Variants in ZNF595 observed in about 807,000 individuals in gnomAD.
ZNF595 encodes zinc finger protein 595.
A neutral mutation model predicts 19.4 loss-of-function variants in ZNF595; 9 were observed. The observed-to-expected ratio is 0.46, with a 90% CI of 0.28 to 0.81. The LOEUF is 0.81. Among genes scored for constraint, ZNF595 ranks in the 30% least tolerant of loss-of-function variants. The pLI, the probability that ZNF595 is intolerant of heterozygous loss-of-function variation, is 0.11. For missense variants in ZNF595, 729 were observed against 736.0 expected (o/e 0.99, Z 0.11); for synonymous variants, 255 against 255.9 (o/e 1.00, Z 0.03).
chr4:82,466 C>T (rs1338449284), intron 3 of ZNF595, among the ~76,000 whole-genome samples: 1 of 148,662 alleles, frequency 6.7e-6, no homozygotes, highest in Non-Finnish European at 1.5e-5. Flanking sequence ...TCACCACAAC[C>T]CTCTGCCTCC....
At position 85,431 on chromosome 4, in the gene ZNF595, A is replaced by G. The variant is rs145668841; in HGVS notation, c.227-300A>G. Among the ~76,000 whole-genome samples, 637 of 152,322 alleles carry G rather than the reference A, an allele frequency of 4.2e-3. 1 individual carries two copies. Among genetic ancestry groups the G allele is most frequent in the South Asian group, 7.7e-3 (37 of 4,824 alleles). On this transcript the variant is annotated intron_variant, in intron 3 of 3. Coordinates refer to ENST00000610261, the MANE Select transcript of ZNF595 (RefSeq NM_182524.4). ...AGTTTACTCCTATAGGCACAATGCT[A>G]TATTGGGGAGGAGGAAAGCTGTGGT...
chr4:66,740 C>A (rs1305158694), intron 3 of ZNF595, among the ~76,000 whole-genome samples: 1 of 152,210 alleles, frequency 6.6e-6, no homozygotes, highest in Non-Finnish European at 1.5e-5. Context: ...TGTTGAAGAT[C>A]ATTTGAACAT....
intron 3 of ZNF595, among the ~76,000 whole-genome samples, chr4:84,964 T>C (rs1714072342): frequency 6.6e-6 from 1 of 152,226 alleles, no homozygotes; most frequent in South Asian, 2.1e-4. Context: ...TAATATTTTG[T>C]ATATATTGTA....
chr4:79,759 GT>G (rs1205880757), intron 3 of ZNF595, among the ~76,000 whole-genome samples: 16 of 138,396 alleles, frequency 1.2e-4, no homozygotes, highest in Non-Finnish European at 1.1e-4. Context: ...TTTTAAGCTA[GT>G]TTTTTTTTTC....
chr4:79,170 A>G (rs1038485679), intron 3 of ZNF595, among the ~76,000 whole-genome samples: 2 of 152,114 alleles, frequency 1.3e-5, no homozygotes, highest in Admixed American at 6.5e-5. Flanking sequence ...CTATAATTTT[A>G]TAATTCTTCT....
At chr4:71,402 T>C (rs1241666143) in intron 3 of ZNF595, among the ~76,000 whole-genome samples, 1 of 152,226 alleles carries the variant, frequency 6.6e-6, no homozygotes, top group African/African-American at 2.4e-5. Flanking sequence ...TTTGTGCCTC[T>C]TCTTTTGTCT....
At chr4:84,404 T>TA (rs1714048502) in intron 3 of ZNF595, among the ~76,000 whole-genome samples, 1 of 152,208 alleles carries the variant, frequency 6.6e-6, no homozygotes, top group Non-Finnish European at 1.5e-5. Context: ...GTTGTGCTAA[T>TA]ACACTTTTTC....
intron 3 of ZNF595, among the ~76,000 whole-genome samples, chr4:73,309 G>A (rs1420146333): frequency 6.6e-6 from 1 of 152,146 alleles, no homozygotes; most frequent in Non-Finnish European, 1.5e-5. Flanking sequence ...ATTGGAGAAT[G>A]TTTCACCCTG....
chr4:85,909 G>A lies in ZNF595; in HGVS notation c.405G>A (p.Gln135=), dbSNP rs7667914. 0.02 allele frequency: 32,405 copies of A among 1,613,902 alleles called. 1,028 individuals carry two copies. The highest frequency in any genetic ancestry group is 0.1 in the South Asian group (9,280 of 91,058). ...AAGGAGTTAATAATGGAGTTTACCA[G>A]TGCTTGTCAACTACCCAGAGCAAAA... ...VQKGVNNGVY[Q]CLSTTQSKIF... The change falls in exon 4 of 4, where the codon CAG becomes CAA. Residue 135 remains glutamine (Q), a synonymous_variant. Transcript: ENST00000610261.
chr4:81,010 T>C (rs1391888917), intron 3 of ZNF595, among the ~76,000 whole-genome samples: 1 of 151,746 alleles, frequency 6.6e-6, no homozygotes, highest in African/African-American at 2.4e-5. Context: ...CAGGCCCCGG[T>C]GTGTGATGTT....
intron 3 of ZNF595, among the ~76,000 whole-genome samples, chr4:83,244 T>C (rs1317432592): frequency 6.6e-6 from 1 of 152,148 alleles, no homozygotes; most frequent in Non-Finnish European, 1.5e-5. Context: ...CTCTTCTGTT[T>C]GGTTCTTTGC....
chr4:80,820 C>T (rs1434096180), intron 3 of ZNF595, among the ~76,000 whole-genome samples: 1 of 150,744 alleles, frequency 6.6e-6, no homozygotes, highest in Non-Finnish European at 1.5e-5. Flanking sequence ...GGCTTGGGCT[C>T]AGAGGCCTGA....
intron 3 of ZNF595, 50 bp from the exon 4 acceptor site, chr4:85,681 T>C (rs1553800944): frequency 2.0e-6 from 3 of 1,503,812 alleles, no homozygotes; most frequent in East Asian, 2.3e-5. Flanking sequence ...GTAAAGTATA[T>C]TCATATGAAT....
rs367912551 is a variant in ZNF595, at chr4:80,682, G to A, written c.227-5049G>A. Among the ~76,000 whole-genome samples, 19 of 152,260 alleles carry A rather than the reference G, an allele frequency of 1.2e-4. 1 individual carries two copies. The South Asian group carries it at 3.9e-3, about 32-fold the overall frequency. On this transcript the variant is annotated intron_variant, in intron 3 of 3. Coordinates refer to ENST00000610261, the MANE Select transcript of ZNF595 (RefSeq NM_182524.4). ...AGGGACAGGGGTCACAAGGTGCTCA[G>A]TTGGGGAGCTTCTGAGCCAGGAGAA... is the stretch of plus-strand genomic sequence containing the variant.
At chr4:77,974 C>A (rs1713742677) in intron 3 of ZNF595, among the ~76,000 whole-genome samples, 2 of 151,970 alleles carry the variant, frequency 1.3e-5, no homozygotes, top group South Asian at 4.2e-4. Context: ...TCAGGATACA[C>A]AGCTGAGACC....
intron 3 of ZNF595, among the ~76,000 whole-genome samples, chr4:82,181 G>A (rs375837475): frequency 6.6e-6 from 1 of 152,064 alleles, no homozygotes. Flanking sequence ...ATTGTCCCTT[G>A]AAATTCCCTA....
intron 3 of ZNF595, among the ~76,000 whole-genome samples, chr4:84,319 TTA>T (rs1714046073): frequency 6.6e-6 from 1 of 152,208 alleles, no homozygotes; most frequent in South Asian, 2.1e-4. Flanking sequence ...TTTCATATGA[TTA>T]TGTTTTGTTT....
intron 3 of ZNF595, among the ~76,000 whole-genome samples, chr4:69,909 G>T (rs1405882033): frequency 6.6e-6 from 1 of 152,016 alleles, no homozygotes; most frequent in Non-Finnish European, 1.5e-5. Context: ...TCGATGCGGG[G>T]GTCTGCCCAC....
At chr4:71,790 A>T (rs1434883972) in intron 3 of ZNF595, among the ~76,000 whole-genome samples, 2 of 152,150 alleles carry the variant, frequency 1.3e-5, no homozygotes, top group African/African-American at 2.4e-5. Context: ...TGGAAAGCTG[A>T]TATTGATGGG....
Sources: gnomAD v4.1 joint callset for allele counts (sites outside exome capture counted in the v4.1 genomes callset) on GRCh38, gnomAD v4.1.1 for gene constraint, MANE v1.5 for transcripts, NCBI Gene and HGNC (gene_info 2026-07-23, HGNC 2026-07-21) for gene names.